NKAIN2: variants seen among roughly 807,000 people sequenced by gnomAD.
NKAIN2 encodes sodium/potassium-transporting ATPase subunit beta-1-interacting protein 2.
Under a neutral mutation model 32.6 loss-of-function variants are expected in NKAIN2, and 14 were observed. That is an observed-to-expected ratio of 0.43 (90% CI 0.28 to 0.67). NKAIN2 has a LOEUF of 0.67. Ranked by LOEUF, NKAIN2 falls within the 30% of genes least tolerant of loss-of-function variation. The pLI is 0.17. For missense variants in NKAIN2, 198 were observed against 258.3 expected, an observed-to-expected ratio of 0.77 and a Z score of 1.60; for synonymous variants, 80 against 87.2, an observed-to-expected ratio of 0.92 and a Z score of 0.46.
intron 1 of NKAIN2, among the ~76,000 whole-genome samples, chr6:124,207,591 C>T (rs1790959469): frequency 6.6e-6 from 1 of 151,356 alleles, no homozygotes; most frequent in African/African-American, 2.4e-5. Context: ...TTATGTTTAC[C>T]TGCCATGTAC....
chr6:124,267,553 C>T (rs1002813821), intron 1 of NKAIN2, among the ~76,000 whole-genome samples: 1 of 149,760 alleles, frequency 6.7e-6, no homozygotes, highest in African/African-American at 2.5e-5. Flanking sequence ...TACAGAATCA[C>T]TTGAATGCTC....
At chr6:123,957,160 C>T (rs73773026) in intron 1 of NKAIN2, among the ~76,000 whole-genome samples, 7,732 of 152,056 alleles carry the variant, frequency 0.051, 612 homozygotes, top group African/African-American at 0.17. Flanking sequence ...ATTTTTTATG[C>T]GTATAAATTG....
chr6:124,356,187 C>T (rs1798963522), intron 3 of NKAIN2, among the ~76,000 whole-genome samples: 1 of 152,130 alleles, frequency 6.6e-6, no homozygotes, highest in Admixed American at 6.5e-5. Flanking sequence ...CAGAGATACT[C>T]ACGTGCTTTA....
chr6:123,830,611 C>T (rs1055515499), intron 1 of NKAIN2, among the ~76,000 whole-genome samples: 1 of 152,142 alleles, frequency 6.6e-6, no homozygotes, highest in African/African-American at 2.4e-5. Flanking sequence ...TTGCTGACCC[C>T]CCTAGTCAGG....
At chr6:124,287,960 C>A (rs201221928) in intron 2 of NKAIN2, among the ~76,000 whole-genome samples, 1 of 151,670 alleles carries the variant, frequency 6.6e-6, no homozygotes, top group Non-Finnish European at 1.5e-5. Flanking sequence ...TTTCTCCCCC[C>A]CTCTCCCTTT....
At chr6:124,671,957 G>T (rs972431633) in intron 4 of NKAIN2, among the ~76,000 whole-genome samples, 4 of 151,332 alleles carry the variant, frequency 2.6e-5, no homozygotes, top group Non-Finnish European at 5.9e-5. Context: ...TATTAGATTG[G>T]CCACCAAGAA....
intron 3 of NKAIN2, among the ~76,000 whole-genome samples, chr6:124,403,453 C>G (rs1773714185): frequency 6.6e-6 from 1 of 152,108 alleles, no homozygotes; most frequent in African/African-American, 2.4e-5. Flanking sequence ...TCCTTTTACC[C>G]CCCTTACTTC....
intron 3 of NKAIN2, among the ~76,000 whole-genome samples, chr6:124,388,544 C>T (rs554771467): frequency 6.6e-6 from 1 of 152,200 alleles, no homozygotes; most frequent in South Asian, 2.1e-4. Context: ...TCCCCTTCTT[C>T]CAGGTTATTT....
intron 2 of NKAIN2, among the ~76,000 whole-genome samples, chr6:124,338,508 G>T (rs1797975407): frequency 6.6e-6 from 1 of 152,070 alleles, no homozygotes; most frequent in Non-Finnish European, 1.5e-5. Flanking sequence ...TTCAAAGTTT[G>T]TTGCAATAAA....
chr6:124,574,550 C>T (rs910418387), intron 3 of NKAIN2, among the ~76,000 whole-genome samples: 4 of 152,132 alleles, frequency 2.6e-5, no homozygotes, highest in Admixed American at 1.3e-4. Context: ...ACCCGGGATG[C>T]AGAGGTTGCA....
At chr6:124,146,236 C>T (rs1787391001) in intron 1 of NKAIN2, among the ~76,000 whole-genome samples, 1 of 150,926 alleles carries the variant, frequency 6.6e-6, no homozygotes, top group Non-Finnish European at 1.5e-5. Context: ...AAATAATTAG[C>T]AAAGGTCAAT....
At chr6:124,168,916 C>G (rs1049522494) in intron 1 of NKAIN2, among the ~76,000 whole-genome samples, 6 of 152,074 alleles carry the variant, frequency 3.9e-5, no homozygotes, top group African/African-American at 1.4e-4. Flanking sequence ...TTCATTTTAA[C>G]AATCGGAATA....
chr6:124,467,515 A>G (rs9375332), intron 3 of NKAIN2, among the ~76,000 whole-genome samples: 28,224 of 152,024 alleles, frequency 0.19, 3,076 homozygotes, highest in Middle Eastern at 0.32. Context: ...AAGGATCCCT[A>G]CATCTCCAAG....
At chr6:124,334,179 C>G (rs1451126895) in intron 2 of NKAIN2, among the ~76,000 whole-genome samples, 1 of 152,188 alleles carries the variant, frequency 6.6e-6, no homozygotes, top group African/African-American at 2.4e-5. Context: ...GCACATGGTT[C>G]TCTCTTCAGG....
At chr6:123,937,485 G>T (rs939341772) in intron 1 of NKAIN2, among the ~76,000 whole-genome samples, 4 of 152,034 alleles carry the variant, frequency 2.6e-5, no homozygotes, top group Admixed American at 2.6e-4. Context: ...ATTTGCTCCA[G>T]TTTATATAAT....
intron 4 of NKAIN2, among the ~76,000 whole-genome samples, chr6:124,762,037 G>A (rs1050330740): frequency 2.0e-5 from 3 of 152,098 alleles, no homozygotes; most frequent in African/African-American, 7.2e-5. Context: ...ACTATTAGAT[G>A]TTTGGTGTAT....
At chr6:124,253,831 CTTT>C (rs774924597) in intron 1 of NKAIN2, among the ~76,000 whole-genome samples, 7 of 134,134 alleles carry the variant, frequency 5.2e-5, no homozygotes, top group African/African-American at 1.4e-4. Flanking sequence ...CAATGTTCTA[CTTT>C]TTTTTTTTTT....
intron 1 of NKAIN2, among the ~76,000 whole-genome samples, chr6:124,114,981 A>T (rs1785542905): frequency 6.6e-6 from 1 of 152,148 alleles, no homozygotes; most frequent in African/African-American, 2.4e-5. Context: ...GTTTGTTGGA[A>T]GCATGTTGGA....
Position 123,988,212 on chromosome 6 carries a change from G to A in NKAIN2, c.54+183958G>A, listed in dbSNP as rs553756535. Among the ~76,000 whole-genome samples, 25 of 152,290 alleles carry A rather than the reference G, an allele frequency of 1.6e-4. No individual in the cohort carries two copies. The South Asian group carries it at 2.1e-3, about 13-fold the overall frequency. ...TAAACCTTTTGCATATGACTTTTGT[G>A]TCTGGGAAAGACAATGTACTCTTAT... On this transcript the variant is annotated intron_variant, in intron 1 of 6. Coordinates refer to ENST00000368417, the MANE Select transcript of NKAIN2 (RefSeq NM_001040214.3).
Sources: gnomAD v4.1 joint callset for allele counts (sites outside exome capture counted in the v4.1 genomes callset) on GRCh38, gnomAD v4.1.1 for gene constraint, MANE v1.5 for transcripts, NCBI Gene and HGNC (gene_info 2026-07-23, HGNC 2026-07-21) for gene names.